The following ZNF385B variants were observed in gnomAD, a reference collection of about 807,000 sequenced individuals.
The protein encoded by ZNF385B is zinc finger protein 385B, also known as zinc finger protein 533.
ZNF385B carries 23 observed loss-of-function variants against 39.2 expected under a neutral mutation model. That is an observed-to-expected ratio of 0.59 (90% CI 0.42 to 0.83). The LOEUF (loss-of-function observed/expected upper bound fraction) is 0.83, where lower values mean the gene tolerates loss of function less well. Ranked by LOEUF, ZNF385B falls within the 40% of genes least tolerant of loss-of-function variation. ZNF385B has a pLI of 0.00. For missense variants in ZNF385B, 552 were observed against 598.9 expected (o/e 0.92, Z 0.82); for synonymous variants, 205 against 222.6 (o/e 0.92, Z 0.70).
At chr2:179,553,009 T>C (rs929691607) in intron 3 of ZNF385B, among the ~76,000 whole-genome samples, 1 of 149,248 alleles carries the variant, frequency 6.7e-6, no homozygotes, top group Non-Finnish European at 1.5e-5. Flanking sequence ...CAACTTCATA[T>C]AGTTTGTATG....
At chr2:179,561,276 T>C (rs762446552) in intron 3 of ZNF385B, among the ~76,000 whole-genome samples, 1 of 152,172 alleles carries the variant, frequency 6.6e-6, no homozygotes, top group Non-Finnish European at 1.5e-5. Flanking sequence ...AAGGCCATGA[T>C]GAATACAGCA....
At chr2:179,588,859 C>T (rs893748210) in intron 3 of ZNF385B, among the ~76,000 whole-genome samples, 1 of 152,096 alleles carries the variant, frequency 6.6e-6, no homozygotes, top group Non-Finnish European at 1.5e-5. Flanking sequence ...TGAGCTTTAG[C>T]GGCTATACAC....
intron 1 of ZNF385B, among the ~76,000 whole-genome samples, chr2:179,788,011 G>A (rs1035388311): frequency 1.3e-5 from 2 of 152,182 alleles, no homozygotes; most frequent in African/African-American, 4.8e-5. Flanking sequence ...TGTATTAATT[G>A]TGTAGCAGAT....
At chr2:179,690,215 G>GA (rs1048646762) in intron 3 of ZNF385B, among the ~76,000 whole-genome samples, 5 of 151,796 alleles carry the variant, frequency 3.3e-5, no homozygotes, top group African/African-American at 9.7e-5. Flanking sequence ...TGACAGAGGG[G>GA]AAAAAAAAGA....
intron 3 of ZNF385B, among the ~76,000 whole-genome samples, chr2:179,546,553 T>C (rs999519943): frequency 1.3e-5 from 2 of 152,210 alleles, no homozygotes; most frequent in African/African-American, 2.4e-5. Context: ...AATGCCAGGA[T>C]CTCATTCTTT....
chr2:179,560,015 C>T (rs1399852737), intron 3 of ZNF385B, among the ~76,000 whole-genome samples: 1 of 152,130 alleles, frequency 6.6e-6, no homozygotes, highest in African/African-American at 2.4e-5. Flanking sequence ...TAAGAGAGAT[C>T]ATGCAGTATT....
At chr2:179,729,260 C>G (rs1481921394) in intron 3 of ZNF385B, among the ~76,000 whole-genome samples, 1 of 152,032 alleles carries the variant, frequency 6.6e-6, no homozygotes, top group African/African-American at 2.4e-5. Context: ...ACAGTTAGAG[C>G]TGAATTAATC....
intron 5 of ZNF385B, among the ~76,000 whole-genome samples, chr2:179,509,586 C>T (rs1162480716): frequency 6.6e-6 from 1 of 152,140 alleles, no homozygotes; most frequent in African/African-American, 2.4e-5. Context: ...CTTTTAATTA[C>T]CTCCTATCTG....
At chr2:179,704,565 G>T (rs1390149863) in intron 3 of ZNF385B, among the ~76,000 whole-genome samples, 1 of 152,140 alleles carries the variant, frequency 6.6e-6, no homozygotes, top group African/African-American at 2.4e-5. Flanking sequence ...GTGAATCCAG[G>T]GAGAATGTGA....
chr2:179,453,928 C>T (rs998267656), intron 6 of ZNF385B, among the ~76,000 whole-genome samples: 7 of 152,180 alleles, frequency 4.6e-5, no homozygotes, highest in Admixed American at 3.9e-4. Context: ...CCATAATTGT[C>T]ATTAAGTACA....
At chr2:179,527,713 T>G (rs983407521) in intron 4 of ZNF385B, among the ~76,000 whole-genome samples, 1 of 152,154 alleles carries the variant, frequency 6.6e-6, no homozygotes, top group East Asian at 1.9e-4. Flanking sequence ...ATATTACACA[T>G]TTATAAATGT....
chr2:179,685,673 C>T (rs2106333257), intron 3 of ZNF385B, among the ~76,000 whole-genome samples: 1 of 147,376 alleles, frequency 6.8e-6, no homozygotes, highest in South Asian at 2.2e-4. Context: ...GTGCCCAGCA[C>T]AGGGCCTGAC....
rs185154430 is a variant in ZNF385B, at chr2:179,860,280, G to C, written c.-155+821C>G. ...TTTGTATTCATGGGCGTGGGGAGAG[G>C]GGGGATACTTCTTGGCAATTTATTT... On this transcript the variant is annotated intron_variant, in intron 1 of 9. Coordinates refer to ENST00000410066, the MANE Select transcript of ZNF385B (RefSeq NM_152520.6). Among the ~76,000 whole-genome samples, 329 of 152,184 alleles carry C rather than the reference G, an allele frequency of 2.2e-3. 4 individuals carry two copies. Among genetic ancestry groups the C allele is most frequent in the Non-Finnish European group, 2.9e-3 (196 of 68,008 alleles).
chr2:179,554,935 T>C (rs1178495692), intron 3 of ZNF385B, among the ~76,000 whole-genome samples: 1 of 149,310 alleles, frequency 6.7e-6, no homozygotes, highest in Non-Finnish European at 1.5e-5. Flanking sequence ...AAAAACTACC[T>C]GGCAATATCT....
At chr2:179,465,442 T>C (rs1475813732) in intron 6 of ZNF385B, among the ~76,000 whole-genome samples, 1 of 152,190 alleles carries the variant, frequency 6.6e-6, no homozygotes, top group Non-Finnish European at 1.5e-5. Flanking sequence ...AGATATTTCA[T>C]GGGTATTTCA....
At chr2:179,850,946 T>C (rs529614114) in intron 1 of ZNF385B, among the ~76,000 whole-genome samples, 6 of 152,348 alleles carry the variant, frequency 3.9e-5, no homozygotes, top group Admixed American at 2.6e-4. Flanking sequence ...GCCTTTTGTA[T>C]TTTTTCCTTA....
chr2:179,628,354 C>T (rs1515275), intron 3 of ZNF385B, among the ~76,000 whole-genome samples: 2 of 151,826 alleles, frequency 1.3e-5, no homozygotes, highest in African/African-American at 2.4e-5. Flanking sequence ...TAGTCCTCCC[C>T]CTTTTTTATC....
At chr2:179,462,518 G>A (rs1559266389) in intron 6 of ZNF385B, among the ~76,000 whole-genome samples, 1 of 151,906 alleles carries the variant, frequency 6.6e-6, no homozygotes, top group Non-Finnish European at 1.5e-5. Context: ...ACTGATAGAA[G>A]CCACCAACTG....
intron 3 of ZNF385B, among the ~76,000 whole-genome samples, chr2:179,550,959 A>G (rs1335558375): frequency 6.6e-6 from 1 of 152,114 alleles, no homozygotes; most frequent in East Asian, 1.9e-4. Flanking sequence ...TGTTGAAAAT[A>G]TAATGAGCAG....
Sources: allele counts gnomAD v4.1 joint callset (sites outside exome capture counted in the v4.1 genomes callset), GRCh38; gene constraint gnomAD v4.1.1; transcripts MANE v1.5; gene names NCBI Gene and HGNC (gene_info 2026-07-23, HGNC 2026-07-21).